The following SRPK2 variants were observed in gnomAD, a reference collection of about 807,000 sequenced individuals.
SRPK2 encodes the protein SFRS protein kinase 2.
In SRPK2, 21 loss-of-function variants were observed where a neutral mutation model predicts 90.8. The observed-to-expected ratio is 0.23, with a 90% CI of 0.16 to 0.33. The LOEUF (loss-of-function observed/expected upper bound fraction) is 0.33. SRPK2 is among the 10% of genes least tolerant of loss of function. The probability of loss-of-function intolerance (pLI) is 1.00; values close to 1 mark genes in which losing one functional copy is unlikely to be tolerated. For missense variants in SRPK2, 620 were observed against 869.0 expected (o/e 0.71, Z 3.60); for synonymous variants, 288 against 311.1 (o/e 0.93, Z 0.78).
chr7:105,177,775 C>G (rs1318042252), intron 3 of SRPK2, among the ~76,000 whole-genome samples: 3 of 152,126 alleles, frequency 2.0e-5, no homozygotes, highest in Non-Finnish European at 2.9e-5. Flanking sequence ...GTAATCCTAG[C>G]ACTTTGGGAG....
chr7:105,205,515 TCTCACACACACACACACACA>T (rs1219778879), intron 2 of SRPK2, among the ~76,000 whole-genome samples: 193 of 111,852 alleles, frequency 1.7e-3, no homozygotes, highest in African/African-American at 6.4e-3. Flanking sequence ...TCTCTCTCTC[TCTCACACACACACACACACA>T]CACACACACA....
intron 2 of SRPK2, among the ~76,000 whole-genome samples, chr7:105,305,170 T>C (rs1174431027): frequency 1.3e-5 from 2 of 152,220 alleles, no homozygotes; most frequent in Admixed American, 1.3e-4. Flanking sequence ...CCAGGCGCTG[T>C]GGCTCATGCC....
chr7:105,278,743 G>A (rs1156946314), intron 2 of SRPK2, among the ~76,000 whole-genome samples: 1 of 151,400 alleles, frequency 6.6e-6, no homozygotes, highest in Non-Finnish European at 1.5e-5. Flanking sequence ...AAGGAAAGGG[G>A]AAAAGGGGAA....
chr7:105,204,516 A>G (rs1795955840), intron 2 of SRPK2: 1 of 384,900 alleles, frequency 2.6e-6, no homozygotes, highest in South Asian at 2.1e-5. Context: ...ATAGGACCCT[A>G]CAGTCTCAAT....
intron 2 of SRPK2, among the ~76,000 whole-genome samples, chr7:105,253,289 A>C (rs1802740779): frequency 1.3e-5 from 2 of 152,198 alleles, no homozygotes; most frequent in Admixed American, 6.5e-5. Flanking sequence ...ATCTTGCTGC[A>C]AAGTCTACAG....
At chr7:105,244,036 G>A (rs1801219538) in intron 2 of SRPK2, among the ~76,000 whole-genome samples, 1 of 152,194 alleles carries the variant, frequency 6.6e-6, no homozygotes, top group Non-Finnish European at 1.5e-5. Context: ...ACTTCTAGAA[G>A]GAAAGAGCTG....
At chr7:105,118,868 G>A (rs1408229216) in intron 15 of SRPK2, among the ~76,000 whole-genome samples, 1 of 152,162 alleles carries the variant, frequency 6.6e-6, no homozygotes, top group Admixed American at 6.5e-5. Flanking sequence ...TCAAGGTCAT[G>A]CCACTGCACT....
chr7:105,304,748 A>G (rs1384816449), intron 2 of SRPK2, among the ~76,000 whole-genome samples: 2 of 152,222 alleles, frequency 1.3e-5, no homozygotes. Context: ...TTTTAGTATC[A>G]TGACTACAGG....
intron 2 of SRPK2, chr7:105,332,942 T>C (rs1563250561): frequency 6.6e-6 from 1 of 152,146 alleles, no homozygotes; most frequent in Non-Finnish European, 1.5e-5. Flanking sequence ...ACACCTGTAA[T>C]TCCAGCCCTT....
intron 2 of SRPK2, among the ~76,000 whole-genome samples, chr7:105,379,226 G>T (rs1356493815): frequency 6.6e-6 from 1 of 151,468 alleles, no homozygotes; most frequent in Non-Finnish European, 1.5e-5. Flanking sequence ...AACCAATCAT[G>T]AATCAAAAAC....
chr7:105,388,757 G>A (rs1363493033), intron 1 of SRPK2, 34 bp downstream of exon 1: 2 of 1,534,158 alleles, frequency 1.3e-6, no homozygotes, highest in Non-Finnish European at 1.8e-6. Flanking sequence ...GGCTGGCCGC[G>A]TGGCGGGGAG....
intron 2 of SRPK2, among the ~76,000 whole-genome samples, chr7:105,208,934 C>A (rs1050690777): frequency 1.3e-5 from 2 of 151,874 alleles, no homozygotes; most frequent in African/African-American, 4.8e-5. Flanking sequence ...CCAGCCTGGG[C>A]AACACAGCAA....
intron 2 of SRPK2, among the ~76,000 whole-genome samples, chr7:105,275,779 G>A (rs573014830): frequency 6.6e-4 from 101 of 152,242 alleles, no homozygotes; most frequent in Non-Finnish European, 1.3e-3. Flanking sequence ...GAGCCGCCCT[G>A]AATCAACCTA....
At chr7:105,364,363 C>G (rs1818774672) in intron 2 of SRPK2, among the ~76,000 whole-genome samples, 1 of 150,324 alleles carries the variant, frequency 6.7e-6, no homozygotes, top group Non-Finnish European at 1.5e-5. Context: ...GAGTTCTCTT[C>G]TGCTGCACTG....
intron 2 of SRPK2, among the ~76,000 whole-genome samples, chr7:105,387,122 C>T (rs1270780767): frequency 6.6e-6 from 1 of 152,194 alleles, no homozygotes; most frequent in Non-Finnish European, 1.5e-5. Flanking sequence ...ATATACGTGT[C>T]TATTTGTATA....
At chr7:105,387,732 C>A (rs1000531040) in intron 2 of SRPK2, among the ~76,000 whole-genome samples, 16 of 152,136 alleles carry the variant, frequency 1.1e-4, no homozygotes, top group Non-Finnish European at 2.2e-4. Context: ...AAGAGCGAAG[C>A]AATTAATCTA....
chr7:105,372,033 G>A (rs1439377253), intron 2 of SRPK2, among the ~76,000 whole-genome samples: 1 of 151,594 alleles, frequency 6.6e-6, no homozygotes, highest in Non-Finnish European at 1.5e-5. Context: ...TACTCAGGAG[G>A]CTGAGGCAGG....
chr7:105,229,069 G>C lies in SRPK2; in HGVS notation c.72-25284C>G, dbSNP rs921184337. Among the ~76,000 whole-genome samples, 4 of 152,080 alleles carry C rather than the reference G, an allele frequency of 2.6e-5. No homozygotes were observed. The South Asian group carries it at 6.2e-4, about 24-fold the overall frequency. On this transcript the variant is annotated intron_variant, in intron 2 of 15. Coordinates refer to ENST00000393651, the MANE Select transcript of SRPK2 (RefSeq NM_182692.3). Reference sequence around the variant, plus strand: ...AGCTGTTTTAAAAAGGCTGGCCCAAGAGAGCCAGCACCGAGTTCAGGGAAC... The same window carrying C: ...AGCTGTTTTAAAAAGGCTGGCCCAACAGAGCCAGCACCGAGTTCAGGGAAC...
At chr7:105,266,829 CAAATT>C (rs1279438587) in intron 2 of SRPK2, among the ~76,000 whole-genome samples, 2 of 151,992 alleles carry the variant, frequency 1.3e-5, no homozygotes, top group Non-Finnish European at 2.9e-5. Context: ...TTCCTCCAAA[CAAATT>C]AAAAAGACAA....
Sources: gnomAD v4.1 joint callset for allele counts (sites outside exome capture counted in the v4.1 genomes callset) on GRCh38, gnomAD v4.1.1 for gene constraint, MANE v1.5 for transcripts, NCBI Gene and HGNC (gene_info 2026-07-23, HGNC 2026-07-21) for gene names.